NXPE4: variants seen among roughly 807,000 people sequenced by gnomAD.
The protein encoded by NXPE4 is NXPE family member 4.
NXPE4 carries 42 observed loss-of-function variants against 33.3 expected under a neutral mutation model. The ratio of observed to expected loss-of-function variants is 1.26; its 90% CI spans 0.98 to 1.63. NXPE4 has a LOEUF of 1.63. Ranked by LOEUF, NXPE4 falls within the 40% of genes most tolerant of loss-of-function variation. The probability of loss-of-function intolerance (pLI) is 0.00; values close to 1 mark genes in which losing one functional copy is unlikely to be tolerated. For missense variants in NXPE4, 709 were observed against 647.6 expected (o/e 1.09, Z -1.03); for synonymous variants, 253 against 234.9 (o/e 1.08, Z -0.71).
the NXPE4 span, among the ~76,000 whole-genome samples, chr11:114,664,357 A>C: frequency 6.6e-6 from 1 of 152,186 alleles, no homozygotes; most frequent in African/African-American, 2.4e-5. Flanking sequence ...GGCTGAACAC[A>C]AAGGTGTATA....
At chr11:114,617,428 G>C in the NXPE4 span, among the ~76,000 whole-genome samples, 1 of 151,592 alleles carries the variant, frequency 6.6e-6, no homozygotes, top group Non-Finnish European at 1.5e-5. Flanking sequence ...TTACCGGGTG[G>C]ATAATAAGTA....
At chr11:114,579,261 G>C (rs984759099) in intron 5 of NXPE4, among the ~76,000 whole-genome samples, 3 of 152,128 alleles carry the variant, frequency 2.0e-5, no homozygotes, top group African/African-American at 7.2e-5. Context: ...CATTACCATG[G>C]GGAGGGCACC....
At chr11:114,576,568 T>A (rs1948998439) in intron 5 of NXPE4, among the ~76,000 whole-genome samples, 1 of 151,930 alleles carries the variant, frequency 6.6e-6, no homozygotes, top group Admixed American at 6.6e-5. Context: ...AAAGAAGATA[T>A]ACAGATGGTG....
chr11:114,614,313 G>A, the NXPE4 span, among the ~76,000 whole-genome samples: 93 of 150,786 alleles, frequency 6.2e-4, no homozygotes, highest in African/African-American at 2.0e-3. Context: ...GTATTGCCTC[G>A]TAGGTAACCA....
Position 114,582,367 on chromosome 11 carries a change from A to T in NXPE4, c.751T>A (p.Cys251Ser), listed in dbSNP as rs184063316. 1 of 1,614,122 alleles carries T rather than the reference A, an allele frequency of 6.2e-7. No homozygotes were observed. The highest frequency in any genetic ancestry group is 2.2e-5 in the East Asian group (1 of 44,884). Residue 251 changes from cysteine (C) to serine (S), a missense_variant, in exon 3 of 6, where the codon TGT becomes AGT. Physicochemically the swap from Cys to Ser is moderately radical, Grantham distance 112. Coordinates refer to ENST00000375478, the MANE Select transcript of NXPE4 (RefSeq NM_001077639.2). ...GAATACATGTGAGTGAGTGCAGCAC[A>T]GGGCATGTGTTGAGGCCTCACACAG... ...FYCVRPQHMP[C>S]AALTHMYSKN... is the part of the protein sequence containing the mutation.
chr11:114,650,608 A>T, the NXPE4 span, among the ~76,000 whole-genome samples: 2 of 152,166 alleles, frequency 1.3e-5, no homozygotes, highest in African/African-American at 2.4e-5. Context: ...GAGGTGGAAG[A>T]ATAAGACCTC....
At chr11:114,583,065 C>T (rs1420220434) in intron 2 of NXPE4, 44 bp from the exon 3 acceptor site, 1 of 1,549,858 alleles carries the variant, frequency 6.5e-7, no homozygotes, top group Non-Finnish European at 8.7e-7. Context: ...AAATTTAGAG[C>T]ATATCTGAAC....
At chr11:114,586,059 T>G (rs770033458) in intron 2 of NXPE4, among the ~76,000 whole-genome samples, 11 of 152,182 alleles carry the variant, frequency 7.2e-5, no homozygotes, top group Admixed American at 6.5e-4. Context: ...AACCAGTTCT[T>G]TGTGTGCTAT....
intron 5 of NXPE4, among the ~76,000 whole-genome samples, chr11:114,579,561 T>G (rs1476647983): frequency 6.6e-6 from 1 of 152,226 alleles, no homozygotes; most frequent in East Asian, 1.9e-4. Context: ...ATCTGTTCTC[T>G]TAGGTAATGA....
the NXPE4 span, among the ~76,000 whole-genome samples, chr11:114,630,428 T>C: frequency 6.6e-6 from 1 of 151,830 alleles, no homozygotes; most frequent in Non-Finnish European, 1.5e-5. Flanking sequence ...GGGGAAAGTA[T>C]TCCCTATTTA....
At chr11:114,594,479 AACAC>A (rs1949533476) in intron 2 of NXPE4, among the ~76,000 whole-genome samples, 181 bp downstream of exon 2, 1 of 152,178 alleles carries the variant, frequency 6.6e-6, no homozygotes, top group African/African-American at 2.4e-5. Context: ...TGTATGTGTG[AACAC>A]ACACACAGTA....
chr11:114,573,736 A>C (rs1291802647), intron 5 of NXPE4, among the ~76,000 whole-genome samples: 1 of 152,076 alleles, frequency 6.6e-6, no homozygotes, highest in African/African-American at 2.4e-5. Flanking sequence ...TAGACCAAAA[A>C]AAATGAGAGA....
At chr11:114,613,573 A>G in the NXPE4 span, among the ~76,000 whole-genome samples, 2 of 151,848 alleles carry the variant, frequency 1.3e-5, no homozygotes, top group Non-Finnish European at 2.9e-5. Context: ...CTATTGGGTA[A>G]CCACTGTTAC....
rs185666507 is a variant in NXPE4 at position 114,583,956 on chromosome 11, A to T, written c.97-935T>A. 20 of 384,438 alleles carry T rather than the reference A, an allele frequency of 5.2e-5. No individual in the cohort carries two copies. In the East Asian group the frequency reaches 8.9e-4, roughly 17 times the overall value. 23.8% of individuals were successfully genotyped at this position (384,438 alleles called of 1,614,324 possible). On this transcript the variant is annotated intron_variant, in intron 2 of 5. Transcript: ENST00000375478. The stretch of plus-strand genomic sequence containing the variant: ...CTGCTCCTAGATGGGATTGATGATG[A>T]GTCCTATGAGGCCATTTTCAAACTG...
At chr11:114,663,633 CT>C in the NXPE4 span, among the ~76,000 whole-genome samples, 20,062 of 103,216 alleles carry the variant, frequency 0.19, 1,581 homozygotes, top group South Asian at 0.23. Context: ...ATCTATCTAT[CT>C]ATCATCTATC....
At chr11:114,585,184 C>T (rs1308036336) in intron 2 of NXPE4, among the ~76,000 whole-genome samples, 2 of 151,782 alleles carry the variant, frequency 1.3e-5, no homozygotes, top group African/African-American at 4.8e-5. Flanking sequence ...CATCTGTCTT[C>T]CCCCAGTTCT....
chr11:114,638,951 T>C, the NXPE4 span, among the ~76,000 whole-genome samples: 8 of 152,166 alleles, frequency 5.3e-5, no homozygotes, highest in East Asian at 1.5e-3. Context: ...CTGCCCATTT[T>C]CAGATCTCCA....
the NXPE4 span, among the ~76,000 whole-genome samples, chr11:114,627,737 G>C: frequency 6.6e-6 from 1 of 152,160 alleles, no homozygotes; most frequent in East Asian, 1.9e-4. Context: ...ATTGGTTAAA[G>C]AGTCAAGACC....
At chr11:114,607,497 T>C in the NXPE4 span, among the ~76,000 whole-genome samples, 64,344 of 151,636 alleles carry the variant, frequency 0.42, 14,825 homozygotes, top group African/African-American at 0.6. Flanking sequence ...CATTACCGGC[T>C]GGATACTAAG....
Sources: gnomAD v4.1 joint callset for allele counts (sites outside exome capture counted in the v4.1 genomes callset) on GRCh38, gnomAD v4.1.1 for gene constraint, MANE v1.5 for transcripts, NCBI Gene and HGNC (gene_info 2026-07-23, HGNC 2026-07-21) for gene names.